Variants in WBP1L observed in about 807,000 individuals in gnomAD.
The protein encoded by WBP1L is WW domain binding protein 1-like.
A neutral mutation model predicts 33.7 loss-of-function variants in WBP1L; 17 were observed. The ratio of observed to expected loss-of-function variants is 0.50; its 90% CI spans 0.34 to 0.76. The LOEUF is 0.76. WBP1L is among the 30% of genes least tolerant of loss of function. WBP1L has a pLI of 0.01. For synonymous variants in WBP1L, 173 were observed against 190.8 expected (o/e 0.91, Z 0.77); for missense variants, 389 against 469.4 (o/e 0.83, Z 1.58).
chr10:102,782,330 C>T (rs1426797266), intron 1 of WBP1L, among the ~76,000 whole-genome samples: 1 of 145,180 alleles, frequency 6.9e-6, no homozygotes, highest in East Asian at 2.1e-4. Context: ...AGGACTGTGC[C>T]TGCTGATTTT....
intron 3 of WBP1L, 102 bp downstream of exon 3, chr10:102,810,156 G>T (rs1590194923): frequency 1.4e-6 from 2 of 1,456,010 alleles, no homozygotes; most frequent in Non-Finnish European, 1.8e-6. Context: ...GGCATAGGGG[G>T]TTTGTCCTCT....
At chr10:102,756,094 G>A (rs1043128511) in intron 1 of WBP1L, among the ~76,000 whole-genome samples, 1 of 151,068 alleles carries the variant, frequency 6.6e-6, no homozygotes, top group Non-Finnish European at 1.5e-5. Context: ...TGTTTGGTAT[G>A]GGTAGGGTTC....
chr10:102,759,988 G>A (rs1388915379), intron 1 of WBP1L, among the ~76,000 whole-genome samples: 1 of 152,198 alleles, frequency 6.6e-6, no homozygotes, highest in African/African-American at 2.4e-5. Flanking sequence ...CACCAGCAAT[G>A]TATGAGAGTT....
chr10:102,781,752 T>C (rs1344470957), intron 1 of WBP1L, among the ~76,000 whole-genome samples: 1 of 152,088 alleles, frequency 6.6e-6, no homozygotes, highest in Non-Finnish European at 1.5e-5. Flanking sequence ...GCCAGAATCC[T>C]TATCTAAACT....
chr10:102,760,635 A>G (rs566012041), intron 1 of WBP1L, among the ~76,000 whole-genome samples: 10 of 151,866 alleles, frequency 6.6e-5, no homozygotes, highest in Admixed American at 4.6e-4. Flanking sequence ...TCAGCCTCCA[A>G]AAGTGCTGGG....
chr10:102,749,271 T>A (rs1241850094), intron 1 of WBP1L, among the ~76,000 whole-genome samples: 1 of 152,160 alleles, frequency 6.6e-6, no homozygotes, highest in Non-Finnish European at 1.5e-5. Flanking sequence ...ATATTTTTAT[T>A]TTTTAGAGAC....
chr10:102,783,004 C>T (rs1843359993), intron 1 of WBP1L, among the ~76,000 whole-genome samples: 1 of 152,164 alleles, frequency 6.6e-6, no homozygotes, highest in Non-Finnish European at 1.5e-5. Flanking sequence ...CAAATACTGT[C>T]CAATTGATCT....
intron 1 of WBP1L, among the ~76,000 whole-genome samples, chr10:102,794,253 T>C (rs1030538568): frequency 1.3e-5 from 2 of 152,158 alleles, no homozygotes; most frequent in Non-Finnish European, 2.9e-5. Context: ...TTTCATGATA[T>C]CTTGCATTGG....
At chr10:102,810,941 A>C (rs1590195650) in intron 3 of WBP1L, among the ~76,000 whole-genome samples, 6 of 105,568 alleles carry the variant, frequency 5.7e-5, no homozygotes, top group African/African-American at 1.5e-4. Flanking sequence ...TCTCTTTCTT[A>C]CCCTTCCTTT....
rs1271143742 is a variant in WBP1L, at chr10:102,813,133, G to A, written c.894G>A (p.Leu298=). The part of the protein sequence containing the change: ...KEFNTLIDDA[L]DGPLDFCDSC... Reference sequence around the variant, plus strand: ...TCAACACACTCATCGATGATGCTCTGGATGGGCCCCTGGACTTCTGCGACA... The same window carrying A: ...TCAACACACTCATCGATGATGCTCTAGATGGGCCCCTGGACTTCTGCGACA... Residue 298 remains leucine (L), a synonymous_variant, in exon 4 of 4, where the codon CTG becomes CTA. Transcript: ENST00000448841. 6.2e-7 allele frequency: 1 copy of A among 1,614,050 alleles called. No homozygotes were observed. The highest frequency in any genetic ancestry group is 1.7e-5 in the Admixed American group (1 of 60,026).
At position 102,813,142 on chromosome 10, in the gene WBP1L, C is replaced by T. The variant is rs1335284260; in HGVS notation, c.903C>T (p.Pro301=). ...NTLIDDALDG[P]LDFCDSCHVR... ...TCATCGATGATGCTCTGGATGGGCCCCTGGACTTCTGCGACAGCTGCCATG... is the reference window on the plus strand; with the variant it reads ...TCATCGATGATGCTCTGGATGGGCCTCTGGACTTCTGCGACAGCTGCCATG... The change falls in exon 4 of 4, where the codon CCC becomes CCT. Residue 301 remains proline (P), a synonymous_variant. Transcript: ENST00000448841. The T allele has an allele frequency of 6.2e-7, 1 of 1,614,054 alleles. No individual in the cohort carries two copies. The highest frequency in any genetic ancestry group is 8.5e-7 in the Non-Finnish European group (1 of 1,180,026).
rs533479877 is a variant in WBP1L at position 102,806,376 on chromosome 10, C to G, written c.194-3517C>G. On this transcript the variant is annotated intron_variant, in intron 2 of 3. Transcript: ENST00000448841. ...CTTGACTCCGAAATACACATGCAGC[C>G]AGGTTCTTAAGCAGAGTGTCCACCC... Among the ~76,000 whole-genome samples, 336 of 152,162 alleles carry G rather than the reference C, an allele frequency of 2.2e-3. 1 individual carries two copies. Among genetic ancestry groups the G allele is most frequent in the Non-Finnish European group, 4.3e-3 (290 of 68,002 alleles).
intron 1 of WBP1L, among the ~76,000 whole-genome samples, chr10:102,766,649 ATGGTG>A (rs1843115067): frequency 6.6e-6 from 1 of 151,522 alleles, no homozygotes; most frequent in Non-Finnish European, 1.5e-5. Flanking sequence ...CCTGGCCAAC[ATGGTG>A]AAACCATGTC....
intron 1 of WBP1L, among the ~76,000 whole-genome samples, chr10:102,777,824 C>T (rs987834493): frequency 2.0e-5 from 3 of 152,074 alleles, no homozygotes; most frequent in South Asian, 2.1e-4. Context: ...CTCAGCCTCC[C>T]GAAGTGCTAG....
chr10:102,782,214 CTTTTTTTT>C (rs397961661), intron 1 of WBP1L, among the ~76,000 whole-genome samples: 5 of 49,168 alleles, frequency 1.0e-4, no homozygotes, highest in African/African-American at 3.8e-4. Context: ...AAAGAAGCTG[CTTTTTTTT>C]TTTTTTTTTT....
chr10:102,765,860 A>T (rs530279478), intron 1 of WBP1L, among the ~76,000 whole-genome samples: 1 of 152,282 alleles, frequency 6.6e-6, no homozygotes, highest in South Asian at 2.1e-4. Flanking sequence ...GGACTCAGAG[A>T]GAGTTGAGAT....
At chr10:102,795,930 C>A (rs187279841) in intron 1 of WBP1L, among the ~76,000 whole-genome samples, 1 of 152,224 alleles carries the variant, frequency 6.6e-6, no homozygotes, top group East Asian at 1.9e-4. Flanking sequence ...ACTAGATAGC[C>A]AGTGTCTCAT....
intron 1 of WBP1L, among the ~76,000 whole-genome samples, chr10:102,789,095 G>A (rs761350037): frequency 2.6e-5 from 4 of 152,120 alleles, no homozygotes; most frequent in Non-Finnish European, 4.4e-5. Flanking sequence ...GAGTAGCTGG[G>A]ACTACAGGTG....
intron 1 of WBP1L, among the ~76,000 whole-genome samples, chr10:102,749,490 T>A (rs553369520): frequency 1.3e-5 from 2 of 151,918 alleles, no homozygotes; most frequent in South Asian, 4.2e-4. Flanking sequence ...AATTTTTTTT[T>A]AAGTAGAGAT....
Sources: allele counts gnomAD v4.1 joint callset (sites outside exome capture counted in the v4.1 genomes callset), GRCh38; gene constraint gnomAD v4.1.1; transcripts MANE v1.5; gene names NCBI Gene and HGNC (gene_info 2026-07-23, HGNC 2026-07-21).